STOM: variants seen among roughly 807,000 people sequenced by gnomAD.
STOM encodes erythrocyte band 7 integral membrane protein.
A neutral mutation model predicts 30.6 loss-of-function variants in STOM; 25 were observed. The observed-to-expected ratio is 0.82, with a 90% CI of 0.60 to 1.14. The LOEUF is 1.14. Ranked by LOEUF, STOM falls within the 50% of genes most tolerant of loss-of-function variation. The probability of loss-of-function intolerance (pLI) is 0.00; values close to 1 mark genes in which losing one functional copy is unlikely to be tolerated. For missense variants in STOM, 292 were observed against 365.2 expected (o/e 0.80, Z 1.63); for synonymous variants, 118 against 130.8 (o/e 0.90, Z 0.67).
At chr9:121,344,947 C>T (rs2064276989) in intron 6 of STOM, among the ~76,000 whole-genome samples, 1 of 152,204 alleles carries the variant, frequency 6.6e-6, no homozygotes, top group Admixed American at 6.5e-5. Flanking sequence ...TACAGAGAAA[C>T]ACGTAGGAGA....
intron 1 of STOM, among the ~76,000 whole-genome samples, chr9:121,359,734 A>G (rs912063104): frequency 2.0e-5 from 3 of 152,182 alleles, no homozygotes; most frequent in Non-Finnish European, 4.4e-5. Flanking sequence ...GGACTCAAAT[A>G]TGGGTCATCT....
chr9:121,362,948 G>A (rs1377762305), intron 1 of STOM, among the ~76,000 whole-genome samples: 1 of 152,158 alleles, frequency 6.6e-6, no homozygotes, highest in Non-Finnish European at 1.5e-5. Context: ...TTCCCCATCA[G>A]CTGATTTACT....
intron 6 of STOM, among the ~76,000 whole-genome samples, chr9:121,347,172 C>T (rs1330975452): frequency 6.6e-6 from 1 of 152,212 alleles, no homozygotes; most frequent in East Asian, 1.9e-4. Context: ...AGACATTCTC[C>T]ACCACAAGCT....
At chr9:121,366,979 C>T (rs1296409887) in intron 1 of STOM, among the ~76,000 whole-genome samples, 1 of 151,562 alleles carries the variant, frequency 6.6e-6, no homozygotes, top group East Asian at 1.9e-4. Flanking sequence ...CCCAGCTACT[C>T]GAGGGGCTGA....
intron 1 of STOM, among the ~76,000 whole-genome samples, chr9:121,367,006 G>A (rs973554083): frequency 6.6e-6 from 1 of 152,012 alleles, no homozygotes; most frequent in Admixed American, 6.6e-5. Flanking sequence ...AGGATCACTT[G>A]AGGCTACAGT....
intron 1 of STOM, among the ~76,000 whole-genome samples, chr9:121,359,251 T>C (rs1193997469): frequency 1.3e-5 from 2 of 152,068 alleles, no homozygotes; most frequent in African/African-American, 4.8e-5. Flanking sequence ...GCTGGGAACA[T>C]GGGAGAAGAG....
chr9:121,355,231 CAAA>C (rs762080105), intron 2 of STOM, among the ~76,000 whole-genome samples: 3 of 83,458 alleles, frequency 3.6e-5, no homozygotes, highest in Non-Finnish European at 4.6e-5. Flanking sequence ...GACTCCGTCT[CAAA>C]AAAAAAAAAA....
At chr9:121,357,416 T>G (rs375707809) in intron 1 of STOM, among the ~76,000 whole-genome samples, 2 of 139,158 alleles carry the variant, frequency 1.4e-5, no homozygotes, top group South Asian at 2.4e-4. Context: ...CACACCATAT[T>G]TTTAAATGAT....
intron 1 of STOM, among the ~76,000 whole-genome samples, chr9:121,357,211 T>C (rs2064400205): frequency 6.6e-6 from 1 of 151,970 alleles, no homozygotes; most frequent in Non-Finnish European, 1.5e-5. Flanking sequence ...ATAAACAGTG[T>C]TGTAGTGAAC....
At position 121,370,242 on chromosome 9, in the gene STOM, C is replaced by T; in HGVS notation, c.-55G>A. The T allele has an allele frequency of 6.6e-7, 1 of 1,521,890 alleles. No homozygotes were observed. Among genetic ancestry groups the T allele is most frequent in the South Asian group, 1.2e-5 (1 of 83,050 alleles). 94.3% of individuals were successfully genotyped at this position (1,521,890 alleles called of 1,614,324 possible). On this transcript the variant is annotated 5_prime_UTR_variant, in exon 1 of 7. Transcript: ENST00000286713. ...TCCTCGTTGCCAAACCCGGAGCCGC[C>T]GGGAATGCCCTGAGGAGCCAGAGGC... is the stretch of plus-strand genomic sequence containing the variant.
At chr9:121,368,965 C>T (rs1353054957) in intron 1 of STOM, among the ~76,000 whole-genome samples, 1 of 151,528 alleles carries the variant, frequency 6.6e-6, no homozygotes, top group Admixed American at 6.6e-5. Flanking sequence ...CGGAGCCTGA[C>T]CTATTTAGTT....
intron 4 of STOM, among the ~76,000 whole-genome samples, chr9:121,349,708 G>A (rs2064322077): frequency 6.6e-6 from 1 of 152,122 alleles, no homozygotes; most frequent in Non-Finnish European, 1.5e-5. Context: ...GGTGTTGGGT[G>A]GAGTGGAAGA....
intron 1 of STOM, among the ~76,000 whole-genome samples, chr9:121,366,736 C>T (rs377260465): frequency 8.5e-5 from 13 of 152,054 alleles, no homozygotes; most frequent in African/African-American, 3.1e-4. Context: ...TTTTGTATAC[C>T]TACTATGTAC....
intron 5 of STOM, among the ~76,000 whole-genome samples, chr9:121,348,883 G>C (rs1165798418): frequency 6.6e-6 from 1 of 151,700 alleles, no homozygotes; most frequent in Non-Finnish European, 1.5e-5. Flanking sequence ...ACTGATTCTG[G>C]AAAAAAATAC....
Position 121,340,351 on chromosome 9 carries a change from C to T in STOM, c.*851G>A, listed in dbSNP as rs1589283962. The stretch of plus-strand genomic sequence containing the variant: ...CTATTTCCTCTAGTTCTGACAAGTA[C>T]AGGCAAGAAAATGGCTACTCTCAAG... On this transcript the variant is annotated 3_prime_UTR_variant, in exon 7 of 7. Coordinates refer to ENST00000286713, the MANE Select transcript of STOM (RefSeq NM_004099.6). The T allele has an allele frequency of 7.1e-6, 7 of 985,240 alleles. No homozygotes were observed. Among genetic ancestry groups the T allele is most frequent in the African/African-American group, 1.7e-5 (1 of 57,222 alleles). The allele number at this position is 985,240 out of a possible 1,614,324, so 61.0% of individuals were successfully genotyped here.
rs1435930457 is a variant in STOM at position 121,341,416 on chromosome 9, C to T, written c.661-8G>A. ...TCCTTCGGCTGCAATAACCTATGGA[C>T]AGGTGAAAGGAGGGGTTGAACTGGA... On this transcript the variant is annotated splice_polypyrimidine_tract_variant and splice_region_variant and intron_variant, in intron 6 of 6. Transcript: ENST00000286713. 2 of 1,612,492 alleles carry T rather than the reference C, an allele frequency of 1.2e-6. No individual in the cohort carries two copies. Among genetic ancestry groups the T allele is most frequent in the South Asian group, 2.2e-5 (2 of 91,002 alleles).
chr9:121,352,500 A>G (rs2134030980), intron 4 of STOM, among the ~76,000 whole-genome samples: 1 of 152,328 alleles, frequency 6.6e-6, no homozygotes, highest in East Asian at 1.9e-4. Flanking sequence ...GCTTTTTGGA[A>G]CTTTGTGGAG....
chr9:121,352,005 A>G (rs1161595413), intron 4 of STOM, among the ~76,000 whole-genome samples: 1 of 152,204 alleles, frequency 6.6e-6, no homozygotes, highest in African/African-American at 2.4e-5. Flanking sequence ...ATGTGGTAGT[A>G]AAAATGTTGA....
intron 1 of STOM, among the ~76,000 whole-genome samples, chr9:121,359,097 C>T (rs1328979345): frequency 6.6e-6 from 1 of 152,176 alleles, no homozygotes; most frequent in East Asian, 1.9e-4. Flanking sequence ...TGGAAGGCTT[C>T]TGCTGTATTT....
Sources: allele counts gnomAD v4.1 joint callset (sites outside exome capture counted in the v4.1 genomes callset), GRCh38; gene constraint gnomAD v4.1.1; transcripts MANE v1.5; gene names NCBI Gene and HGNC (gene_info 2026-07-23, HGNC 2026-07-21).